The following INPP4B variants were observed in gnomAD, a reference collection of about 807,000 sequenced individuals.
The protein encoded by INPP4B is inositol polyphosphate 4-phosphatase type II.
In INPP4B, 55 loss-of-function variants were observed where a neutral mutation model predicts 122.5. The observed-to-expected ratio is 0.45, with a 90% confidence interval of 0.36 to 0.56. The LOEUF (loss-of-function observed/expected upper bound fraction) is 0.56, where lower values mean the gene tolerates loss of function less well. Ranked by LOEUF, INPP4B falls within the 20% of genes least tolerant of loss-of-function variation. The pLI, the probability that INPP4B is intolerant of heterozygous loss-of-function variation, is 0.00. For synonymous variants in INPP4B, 403 were observed against 388.7 expected, an observed-to-expected ratio of 1.04 and a Z score of -0.43; for missense variants, 1,000 against 1,097.7, an observed-to-expected ratio of 0.91 and a Z score of 1.26.
At chr4:142,741,761 G>A (rs989540565) in intron 1 of INPP4B, among the ~76,000 whole-genome samples, 1 of 151,758 alleles carries the variant, frequency 6.6e-6, no homozygotes, top group Non-Finnish European at 1.5e-5. Flanking sequence ...ACTTATGCAA[G>A]GTGGAAAAGA....
At chr4:142,352,510 T>C (rs1782234518) in intron 7 of INPP4B, among the ~76,000 whole-genome samples, 1 of 151,524 alleles carries the variant, frequency 6.6e-6, no homozygotes, top group African/African-American at 2.4e-5. Context: ...ATATATTACT[T>C]TTCTACACCA....
At chr4:142,352,947 T>A (rs540421513) in intron 7 of INPP4B, among the ~76,000 whole-genome samples, 1 of 151,812 alleles carries the variant, frequency 6.6e-6, no homozygotes, top group Non-Finnish European at 1.5e-5. Flanking sequence ...AAATATAGGG[T>A]GGTGTTTTTT....
chr4:142,541,348 C>T (rs1339057359), intron 2 of INPP4B, among the ~76,000 whole-genome samples: 1 of 152,114 alleles, frequency 6.6e-6, no homozygotes, highest in Non-Finnish European at 1.5e-5. Context: ...AACATCTTTC[C>T]AGAGGAAGAT....
At chr4:142,633,846 A>G (rs1748515226) in intron 2 of INPP4B, among the ~76,000 whole-genome samples, 1 of 152,022 alleles carries the variant, frequency 6.6e-6, no homozygotes, top group Admixed American at 6.6e-5. Flanking sequence ...AACCCTAAAA[A>G]CCCATTAAAA....
chr4:142,108,220 G>T, intron 22 of INPP4B, 30 bp from the exon 23 acceptor site: 1 of 1,238,504 alleles, frequency 8.1e-7, no homozygotes, highest in Non-Finnish European at 1.2e-6. Flanking sequence ...AACAGCTGTG[G>T]GTTATAAAAC....
At chr4:142,052,781 T>C (rs753051423) in intron 25 of INPP4B, among the ~76,000 whole-genome samples, 12 of 152,072 alleles carry the variant, frequency 7.9e-5, no homozygotes, top group Non-Finnish European at 1.5e-4. Context: ...CTTGACTTAC[T>C]AAAATGGTAT....
intron 1 of INPP4B, among the ~76,000 whole-genome samples, chr4:142,832,971 G>A (rs1184386671): frequency 6.6e-6 from 1 of 151,964 alleles, no homozygotes; most frequent in Admixed American, 6.6e-5. Context: ...CTGAAGCCTT[G>A]TTTTACATGA....
chr4:142,757,659 CCA>C (rs1770697167), intron 1 of INPP4B, among the ~76,000 whole-genome samples: 3 of 152,268 alleles, frequency 2.0e-5, no homozygotes, highest in East Asian at 1.9e-4. Context: ...TCTGGATTTA[CCA>C]CAGTTTCTTT....
chr4:142,554,229 T>C (rs1728638623), intron 2 of INPP4B, among the ~76,000 whole-genome samples: 1 of 148,976 alleles, frequency 6.7e-6, no homozygotes, highest in Non-Finnish European at 1.5e-5. Flanking sequence ...GCCAGAGTCA[T>C]CCACTTCCTT....
intron 3 of INPP4B, among the ~76,000 whole-genome samples, chr4:142,462,103 CT>C (rs1456648788): frequency 6.6e-6 from 1 of 151,936 alleles, no homozygotes; most frequent in African/African-American, 2.4e-5. Flanking sequence ...TTGTTCCATG[CT>C]TTTCCATCTG....
chr4:142,065,854 T>G (rs1763247259), intron 25 of INPP4B, among the ~76,000 whole-genome samples: 1 of 152,158 alleles, frequency 6.6e-6, no homozygotes, highest in Non-Finnish European at 1.5e-5. Context: ...ATAATACAGA[T>G]GAAGAGATGT....
chr4:142,140,371 T>A lies in INPP4B; in HGVS notation c.1720+5469A>T, dbSNP rs189011592. ...CATACTTGTGAAAGATGGAGAAATA[T>A]AGGCCATGCAATGATATGAATGGGT... On this transcript the variant is annotated intron_variant, in intron 18 of 25. Transcript: ENST00000262992. Among the ~76,000 whole-genome samples, 175 of 152,294 alleles carry A rather than the reference T, an allele frequency of 1.1e-3. 1 individual carries two copies. Among genetic ancestry groups the A allele is most frequent in the African/African-American group, 4.0e-3 (167 of 41,576 alleles).
At chr4:142,683,200 A>G (rs183206534) in intron 2 of INPP4B, among the ~76,000 whole-genome samples, 2 of 152,122 alleles carry the variant, frequency 1.3e-5, no homozygotes, top group Non-Finnish European at 2.9e-5. Flanking sequence ...ATCTTTTCTC[A>G]ACGTGCTTTG....
chr4:142,793,925 A>G (rs1776881605), intron 1 of INPP4B, among the ~76,000 whole-genome samples: 1 of 152,096 alleles, frequency 6.6e-6, no homozygotes, highest in Non-Finnish European at 1.5e-5. Context: ...ACAAATGGAT[A>G]GATGTACCAT....
intron 1 of INPP4B, among the ~76,000 whole-genome samples, chr4:142,756,628 C>CA (rs144087615): frequency 0.02 from 3,096 of 152,032 alleles, 103 homozygotes; most frequent in African/African-American, 0.069. Context: ...AAGTATTAGG[C>CA]ATACTAATAG....
intron 1 of INPP4B, among the ~76,000 whole-genome samples, chr4:142,825,606 G>A (rs1781361519): frequency 6.6e-6 from 1 of 152,022 alleles, no homozygotes; most frequent in African/African-American, 2.4e-5. Context: ...AAAGAAGCAA[G>A]TAAAAAGTGT....
At chr4:142,290,883 C>T (rs745887095) in intron 9 of INPP4B, among the ~76,000 whole-genome samples, 6 of 152,094 alleles carry the variant, frequency 3.9e-5, no homozygotes, top group Non-Finnish European at 7.4e-5. Flanking sequence ...TTTTAAGACA[C>T]TCAAGTTGAT....
intron 1 of INPP4B, among the ~76,000 whole-genome samples, chr4:142,748,421 T>TA (rs1026970508): frequency 6.6e-6 from 1 of 151,694 alleles, no homozygotes; most frequent in African/African-American, 2.4e-5. Flanking sequence ...AGACAAATGA[T>TA]AGAGAAAATT....
At chr4:142,610,373 C>T (rs1398145458) in intron 2 of INPP4B, among the ~76,000 whole-genome samples, 1 of 152,126 alleles carries the variant, frequency 6.6e-6, no homozygotes, top group Non-Finnish European at 1.5e-5. Context: ...TCTTTATTAG[C>T]AGTGTGAGAA....
Sources: gnomAD v4.1 joint callset for allele counts (sites outside exome capture counted in the v4.1 genomes callset) on GRCh38, gnomAD v4.1.1 for gene constraint, MANE v1.5 for transcripts, NCBI Gene and HGNC (gene_info 2026-07-23, HGNC 2026-07-21) for gene names.